Variants in RERE observed in about 807,000 individuals in gnomAD.
RERE encodes the protein arginine-glutamic acid dipeptide repeats.
Under a neutral mutation model 146.1 loss-of-function variants are expected in RERE, and 40 were observed. That is an observed-to-expected ratio of 0.27 (90% confidence interval 0.21 to 0.36). The LOEUF is 0.36. Ranked by LOEUF, RERE falls within the 10% of genes least tolerant of loss-of-function variation. RERE has a pLI of 1.00. For synonymous variants in RERE, 1,003 were observed against 866.0 expected (o/e 1.16, Z -2.78); for missense variants, 1,933 against 2,138.7 (o/e 0.90, Z 1.90).
intron 8 of RERE, among the ~76,000 whole-genome samples, chr1:8,498,740 C>T (rs1250465398): frequency 1.2e-4 from 18 of 148,022 alleles, no homozygotes; most frequent in South Asian, 4.4e-4. Context: ...TATACACACA[C>T]ACACACACAC....
chr1:8,470,136 A>C (rs1028264148), intron 10 of RERE, among the ~76,000 whole-genome samples: 3 of 152,092 alleles, frequency 2.0e-5, no homozygotes, highest in Non-Finnish European at 4.4e-5. Context: ...TTCCTCAAAA[A>C]AATAGTCCCT....
At chr1:8,500,379 A>G (rs550055307) in intron 8 of RERE, among the ~76,000 whole-genome samples, 5 of 152,256 alleles carry the variant, frequency 3.3e-5, no homozygotes, top group East Asian at 1.9e-4. Context: ...CCTCTTAATC[A>G]TAAGAATTGA....
chr1:8,682,766 G>C (rs943958151), intron 1 of RERE, among the ~76,000 whole-genome samples: 1 of 152,068 alleles, frequency 6.6e-6, no homozygotes, highest in African/African-American at 2.4e-5. Context: ...AATTAGGCAA[G>C]TGATGACTCA....
chr1:8,713,392 C>G (rs748296645), intron 1 of RERE, among the ~76,000 whole-genome samples: 16 of 152,076 alleles, frequency 1.1e-4, no homozygotes, highest in Non-Finnish European at 2.4e-4. Flanking sequence ...AATGTTTTAT[C>G]CCTAACAAAA....
rs1182176450 is a variant in RERE at position 8,360,351 on chromosome 1, G to A, written c.3156C>T (p.Cys1052=). The A allele has an allele frequency of 1.3e-5, 19 of 1,498,182 alleles. No homozygotes were observed. The highest frequency in any genetic ancestry group is 5.7e-5 in the African/African-American group (4 of 70,702). The allele number at this position is 1,498,182 out of a possible 1,614,324, so 92.8% of individuals were successfully genotyped here. ...CCGCCGGTGGGGTAGAGGTGGAGGGGCAGGTCGGAGGGGTGATGGGAGGAG... is the reference window on the plus strand; with the variant it reads ...CCGCCGGTGGGGTAGAGGTGGAGGGACAGGTCGGAGGGGTGATGGGAGGAG... ...GGPPPITPPT[C]PSTSTPPAGP... Residue 1052 remains cysteine (C), a synonymous_variant, in exon 18 of 23, where the codon TGC becomes TGT. Transcript: ENST00000400908.
chr1:8,779,586 C>A (rs1190012034), intron 1 of RERE, among the ~76,000 whole-genome samples: 10 of 151,922 alleles, frequency 6.6e-5, no homozygotes, highest in Non-Finnish European at 1.5e-4. Flanking sequence ...TTGCTTGAAC[C>A]TGGGAGGCGG....
Position 8,654,466 on chromosome 1 carries a change from T to A in RERE, c.325+1507A>T, listed in dbSNP as rs1281579310. ...GTTCCAGATTATGGACATAACACAG[T>A]GAAGTATTTTAATCTCCTTCTCAGA... is the stretch of plus-strand genomic sequence containing the variant. On this transcript the variant is annotated intron_variant, in intron 2 of 22. Transcript: ENST00000400908. Among the ~76,000 whole-genome samples, 13 of 152,260 alleles carry A rather than the reference T, an allele frequency of 8.5e-5. No homozygotes were observed. In the East Asian group the frequency reaches 1.4e-3, roughly 16 times the overall value.
At chr1:8,744,593 T>C (rs530062773) in intron 1 of RERE, among the ~76,000 whole-genome samples, 12 of 152,052 alleles carry the variant, frequency 7.9e-5, no homozygotes, top group Non-Finnish European at 1.3e-4. Context: ...ATTAAAACAA[T>C]AGGAAAGACA....
At chr1:8,607,149 C>T (rs895336780) in intron 4 of RERE, among the ~76,000 whole-genome samples, 5 of 151,876 alleles carry the variant, frequency 3.3e-5, no homozygotes, top group Non-Finnish European at 7.4e-5. Context: ...TTCTTTGAGC[C>T]CAAGAGTTCG....
intron 1 of RERE, among the ~76,000 whole-genome samples, chr1:8,770,639 A>G (rs1284485): frequency 0.018 from 2,713 of 152,330 alleles, 40 homozygotes; most frequent in Middle Eastern, 0.041. Context: ...AACTGTAAGC[A>G]CTCAACAAAA....
chr1:8,744,171 A>T (rs1037516213), intron 1 of RERE, among the ~76,000 whole-genome samples: 2 of 152,216 alleles, frequency 1.3e-5, no homozygotes, highest in Non-Finnish European at 2.9e-5. Context: ...AGCCCAAAGG[A>T]CTTTTCAAAA....
At chr1:8,747,136 G>A (rs1181880805) in intron 1 of RERE, among the ~76,000 whole-genome samples, 1 of 151,922 alleles carries the variant, frequency 6.6e-6, no homozygotes, top group African/African-American at 2.4e-5. Context: ...CGAGTAGCTG[G>A]GACTACAGGG....
At chr1:8,771,126 T>TG (rs1051773386) in intron 1 of RERE, among the ~76,000 whole-genome samples, 34 of 151,568 alleles carry the variant, frequency 2.2e-4, no homozygotes, top group South Asian at 6.3e-4. Flanking sequence ...ACCCACCTGC[T>TG]GGGGGGGGAA....
At chr1:8,595,108 C>T (rs1646539536) in intron 4 of RERE, among the ~76,000 whole-genome samples, 1 of 148,324 alleles carries the variant, frequency 6.7e-6, no homozygotes. Flanking sequence ...CTGCAGTGCT[C>T]TATGATCACA....
chr1:8,500,146 C>T (rs1298971559), intron 8 of RERE, among the ~76,000 whole-genome samples: 1 of 152,086 alleles, frequency 6.6e-6, no homozygotes, highest in Admixed American at 6.6e-5. Context: ...ATAATAATAA[C>T]AACAACAATA....
At chr1:8,654,641 T>TTG (rs200284367) in intron 2 of RERE, among the ~76,000 whole-genome samples, 1 of 102,608 alleles carries the variant, frequency 9.7e-6, no homozygotes, top group African/African-American at 2.9e-5. Context: ...TTTTTTTTTG[T>TTG]TTTTTTTTTT....
At chr1:8,666,920 G>C (rs147150156) in intron 1 of RERE, among the ~76,000 whole-genome samples, 1 of 152,204 alleles carries the variant, frequency 6.6e-6, no homozygotes, top group African/African-American at 2.4e-5. Flanking sequence ...ATCCTGCTAA[G>C]AGTTTATATA....
chr1:8,422,018 C>T (rs301806), intron 12 of RERE, among the ~76,000 whole-genome samples: 93,853 of 152,094 alleles, frequency 0.62, 29,696 homozygotes, highest in East Asian at 0.84. Flanking sequence ...GAGGCAACCA[C>T]AGGGAAATGA....
At position 8,655,276 on chromosome 1, in the gene RERE, G is replaced by A. The variant is rs1476279774; in HGVS notation, c.325+697C>T. On this transcript the variant is annotated intron_variant, in intron 2 of 22. Transcript: ENST00000400908. Reference sequence around the variant, plus strand: ...GGCTGGAGTGCAGTGGTGTGATCTCGGCTGACTGCAACCTCCACCTCCTGG... The same window carrying A: ...GGCTGGAGTGCAGTGGTGTGATCTCAGCTGACTGCAACCTCCACCTCCTGG... 2.7e-5 allele frequency among the ~76,000 whole-genome samples: 4 copies of A among 150,712 alleles called. No individual in the cohort carries two copies. In the South Asian group the frequency reaches 6.3e-4, roughly 24 times the overall value.
Sources: gnomAD v4.1 joint callset for allele counts (sites outside exome capture counted in the v4.1 genomes callset) on GRCh38, gnomAD v4.1.1 for gene constraint, MANE v1.5 for transcripts, NCBI Gene and HGNC (gene_info 2026-07-23, HGNC 2026-07-21) for gene names.